TOLLIP: variants seen among roughly 807,000 people sequenced by gnomAD.
TOLLIP encodes toll interacting protein.
TOLLIP carries 16 observed loss-of-function variants against 33.5 expected under a neutral mutation model. That is an observed-to-expected ratio of 0.48 (90% CI 0.32 to 0.72). The LOEUF is 0.72. Among genes scored for constraint, TOLLIP ranks in the 30% least tolerant of loss-of-function variants. TOLLIP has a pLI of 0.03. For synonymous variants in TOLLIP, 176 were observed against 163.7 expected (o/e 1.07, Z -0.57); for missense variants, 325 against 396.6 (o/e 0.82, Z 1.53).
chr11:1,279,672 A>C (rs1330695961), intron 5 of TOLLIP, among the ~76,000 whole-genome samples: 1 of 152,216 alleles, frequency 6.6e-6, no homozygotes, highest in African/African-American at 2.4e-5. Context: ...GCCCCACCTC[A>C]CGTTCTTCAC....
chr11:1,282,850 T>C lies in TOLLIP; in HGVS notation c.610+3152A>G, dbSNP rs1353284659. ...ATATACCTAATGCTAAATGAGTTAA[T>C]GGGTGCAGCACACCAACATGGCACA... On this transcript the variant is annotated intron_variant, in intron 5 of 5. Coordinates refer to ENST00000317204, the MANE Select transcript of TOLLIP (RefSeq NM_019009.4). Among the ~76,000 whole-genome samples, 5 of 151,350 alleles carry C rather than the reference T, an allele frequency of 3.3e-5. No individual in the cohort carries two copies. The East Asian group carries it at 9.7e-4, about 29-fold the overall frequency.
At chr11:1,299,927 G>A (rs1370618640) in intron 1 of TOLLIP, among the ~76,000 whole-genome samples, 7 of 152,246 alleles carry the variant, frequency 4.6e-5, no homozygotes, top group African/African-American at 1.7e-4. Flanking sequence ...GGGGGACGGA[G>A]GCGGAGGCGG....
intron 4 of TOLLIP, among the ~76,000 whole-genome samples, chr11:1,287,890 CCTGCTGCACCCTCTCTGCTGCACCCTCT>C (rs1357686118): frequency 7.4e-6 from 1 of 136,012 alleles, no homozygotes; most frequent in Non-Finnish European, 1.5e-5. Flanking sequence ...CTGCACCCTC[CCTGCTGCACCCTCTCTGCTGCACCCTCT>C]CTGCTGTCAC....
Position 1,278,237 on chromosome 11 carries a change from C to T in TOLLIP, c.611-984G>A, listed in dbSNP as rs1399544845. Among the ~76,000 whole-genome samples the T allele has an allele frequency of 2.0e-5, 3 of 151,800 alleles. No individual in the cohort carries two copies. The East Asian group carries it at 5.8e-4, about 29-fold the overall frequency. On this transcript the variant is annotated intron_variant, in intron 5 of 5. Transcript: ENST00000317204. The surrounding 1 kb of genome is among the most constrained non-coding windows in gnomAD (Gnocchi z 4.7). Reference sequence around the variant, plus strand: ...GAGCACAGGCAGCGTGCGCGGGGCTCGGCGACCAGCGAGGCACAGAGCTCC... The same window carrying T: ...GAGCACAGGCAGCGTGCGCGGGGCTTGGCGACCAGCGAGGCACAGAGCTCC...
At chr11:1,307,970 G>A (rs1056109075) in intron 1 of TOLLIP, among the ~76,000 whole-genome samples, 4 of 152,206 alleles carry the variant, frequency 2.6e-5, no homozygotes, top group Admixed American at 6.5e-5. Flanking sequence ...TTAAGGGTGG[G>A]GAGCCCTGGT....
rs5743972 is a variant in TOLLIP, at chr11:1,288,325, C to T, written c.519+299G>A. On this transcript the variant is annotated intron_variant, in intron 4 of 5. Transcript: ENST00000317204. Reference sequence around the variant, plus strand: ...GCTTGGAAGGGCTGTGGGGGTCCTCCGAGGACACAGGGGCCTGCAGTGGAG... The same window carrying T: ...GCTTGGAAGGGCTGTGGGGGTCCTCTGAGGACACAGGGGCCTGCAGTGGAG... Among the ~76,000 whole-genome samples the T allele has an allele frequency of 2.5e-3, 388 of 152,282 alleles. 2 individuals carry two copies. Among genetic ancestry groups the T allele is most frequent in the Non-Finnish European group, 4.2e-3 (284 of 68,004 alleles).
chr11:1,285,118 C>T (rs986274560), intron 5 of TOLLIP, among the ~76,000 whole-genome samples: 10 of 152,192 alleles, frequency 6.6e-5, no homozygotes, highest in African/African-American at 2.2e-4. Context: ...CAGCCGGGGC[C>T]TCATGCAGCC....
At chr11:1,302,935 T>TCCCTCTTCCTATCACCCCCTC (rs534963622) in intron 1 of TOLLIP, 3,488 of 239,572 alleles carry the variant, frequency 0.015, 65 homozygotes, top group Non-Finnish European at 0.016. Context: ...GGGCTTTCCT[T>TCCCTCTTCCTATCACCCCCTC]CCCTCTTCCT....
Position 1,280,729 on chromosome 11 carries a change from G to A in TOLLIP, c.611-3476C>T, listed in dbSNP as rs565072163. ...TCCCACCACCAAGCAGAAGGAGGTG[G>A]AAAGCAACAGGAGGAGGGAAAGTGA... On this transcript the variant is annotated intron_variant, in intron 5 of 5. Transcript: ENST00000317204. Among the ~76,000 whole-genome samples, 333 of 152,158 alleles carry A rather than the reference G, an allele frequency of 2.2e-3. 4 individuals carry two copies. The highest frequency in any genetic ancestry group is 7.6e-3 in the African/African-American group (316 of 41,516).
intron 5 of TOLLIP, among the ~76,000 whole-genome samples, chr11:1,284,159 T>C (rs1264241160): frequency 1.3e-5 from 2 of 152,208 alleles, no homozygotes; most frequent in Non-Finnish European, 2.9e-5. Flanking sequence ...CAGGAACAGC[T>C]GTGGGGCTCC....
At position 1,276,666 on chromosome 11, in the gene TOLLIP, A is replaced by G; in HGVS notation, c.*373T>C. 12 of 1,346,058 alleles carry G rather than the reference A, an allele frequency of 8.9e-6. No homozygotes were observed. The highest frequency in any genetic ancestry group is 1.2e-5 in the Non-Finnish European group (12 of 1,026,064). 83.4% of individuals were successfully genotyped at this position (1,346,058 alleles called of 1,614,324 possible). On this transcript the variant is annotated 3_prime_UTR_variant, in exon 6 of 6. Transcript: ENST00000317204. ...AACAGCTCTATTCCAATTACATCAC[A>G]TCACAAAATGCCATGAATGGAATCG...
chr11:1,277,637 G>A lies in TOLLIP; in HGVS notation c.611-384C>T, dbSNP rs911359423. On this transcript the variant is annotated intron_variant, in intron 5 of 5. Coordinates refer to ENST00000317204, the MANE Select transcript of TOLLIP (RefSeq NM_019009.4). This position sits in a 1 kb window ranked among gnomAD's most constrained non-coding sequence, Gnocchi z 4.2. Reference sequence around the variant, plus strand: ...ACACGCTCGTCTTCACTGACCAGTGGGCTCACAGAGTCCTCTGCATCTGGG... The same window carrying A: ...ACACGCTCGTCTTCACTGACCAGTGAGCTCACAGAGTCCTCTGCATCTGGG... Among the ~76,000 whole-genome samples the A allele has an allele frequency of 2.0e-5, 3 of 152,200 alleles. No homozygotes were observed. Among genetic ancestry groups the A allele is most frequent in the African/African-American group, 7.2e-5 (3 of 41,452 alleles).
intron 1 of TOLLIP, among the ~76,000 whole-genome samples, chr11:1,299,243 C>T (rs566376578): frequency 2.0e-5 from 3 of 152,342 alleles, no homozygotes; most frequent in Admixed American, 6.5e-5. Context: ...AGAGAGGAGA[C>T]GGAGACCAGG....
chr11:1,286,185 G>T, intron 4 of TOLLIP, 93 bp from the exon 5 acceptor site: 1 of 973,394 alleles, frequency 1.0e-6, no homozygotes, highest in Non-Finnish European at 1.6e-6. Context: ...CCCTCCCCAC[G>T]CCAGCCCAGA....
intron 2 of TOLLIP, chr11:1,292,120 G>A (rs1863973236): frequency 6.6e-6 from 1 of 152,260 alleles, no homozygotes; most frequent in Non-Finnish European, 1.5e-5. Context: ...TTTTCCGGAA[G>A]CTCCTGGGCG....
At chr11:1,283,361 C>A (rs943031024) in intron 5 of TOLLIP, 6 of 349,280 alleles carry the variant, frequency 1.7e-5, no homozygotes, top group South Asian at 6.4e-5. Context: ...CTGGATGCTG[C>A]GGACTCAGAC....
intron 1 of TOLLIP, among the ~76,000 whole-genome samples, chr11:1,305,337 C>T (rs549850842): frequency 6.6e-6 from 1 of 152,348 alleles, no homozygotes; most frequent in African/African-American, 2.4e-5. Context: ...GAGCAGCCCA[C>T]CAGAGCCAGC....
Position 1,276,616 on chromosome 11 carries a change from T to C in TOLLIP, c.*423A>G, listed in dbSNP as rs1490709385. ...GAAGTTCTAAAAAAAACCCACAGTG[T>C]GAGGGATTGTGTGTGCCTTAAATCA... On this transcript the variant is annotated 3_prime_UTR_variant, in exon 6 of 6. Transcript: ENST00000317204. 13 of 1,248,298 alleles carry C rather than the reference T, an allele frequency of 1.0e-5. No homozygotes were observed. The highest frequency in any genetic ancestry group is 1.4e-5 in the Non-Finnish European group (13 of 951,568). 77.3% of individuals were successfully genotyped at this position (1,248,298 alleles called of 1,614,324 possible).
At chr11:1,299,570 A>C (rs1335695638) in intron 1 of TOLLIP, among the ~76,000 whole-genome samples, 3 of 152,244 alleles carry the variant, frequency 2.0e-5, no homozygotes, top group Non-Finnish European at 4.4e-5. Context: ...CAATGGTCAC[A>C]TAAAAATATA....
Sources: allele counts gnomAD v4.1 joint callset (sites outside exome capture counted in the v4.1 genomes callset), GRCh38; gene constraint gnomAD v4.1.1; non-coding constraint Gnocchi (gnomAD v3.1); transcripts MANE v1.5; gene names NCBI Gene and HGNC (gene_info 2026-07-23, HGNC 2026-07-21).